Variants in SUPT7L observed in about 807,000 individuals in gnomAD.
The protein encoded by SUPT7L is SPT7 like, STAGA complex subunit gamma, also known as STAGA complex 65 subunit gamma.
Under a neutral mutation model 35.7 loss-of-function variants are expected in SUPT7L, and 15 were observed. The observed-to-expected ratio is 0.42, with a 90% CI of 0.28 to 0.65. The LOEUF (loss-of-function observed/expected upper bound fraction) is 0.65, where lower values mean the gene tolerates loss of function less well. Among genes scored for constraint, SUPT7L ranks in the 30% least tolerant of loss-of-function variants. The pLI is 0.23. For missense variants in SUPT7L, 434 were observed against 522.2 expected (o/e 0.83, Z 1.65); for synonymous variants, 168 against 186.2 (o/e 0.90, Z 0.79).
In SUPT7L at chr2:27,661,262, C is replaced by A; in HGVS notation, c.141G>T (p.Pro47=). ...PPLHQPSANK[P]KPPTMLDIPS... ...GGATGTCCAGCATAGTGGGGGGCTT[C>A]GGCTTGTTGGCTGAGGGTTGGTGCA... The change falls in exon 3 of 6, where the codon CCG becomes CCT. Residue 47 remains proline, a synonymous_variant. Coordinates refer to ENST00000337768, the MANE Select transcript of SUPT7L (RefSeq NM_014860.3). 2 of 1,613,242 alleles carry A rather than the reference C, an allele frequency of 1.2e-6. No individual in the cohort carries two copies. Among genetic ancestry groups the A allele is most frequent in the Non-Finnish European group, 1.7e-6 (2 of 1,179,534 alleles).
chr2:27,662,250 C>A lies in SUPT7L; in HGVS notation c.-58G>T. On this transcript the variant is annotated 5_prime_UTR_variant, in exon 2 of 6. Coordinates refer to ENST00000337768, the MANE Select transcript of SUPT7L (RefSeq NM_014860.3). ...TTATCAAATGCCAGGCATTCTGTGTCGGTCAAAGACTGATAATGTGAGATC... is the reference window on the plus strand; with the variant it reads ...TTATCAAATGCCAGGCATTCTGTGTAGGTCAAAGACTGATAATGTGAGATC... 1.3e-6 allele frequency: 2 copies of A among 1,567,718 alleles called. No homozygotes were observed. The highest frequency in any genetic ancestry group is 2.2e-5 in the South Asian group (2 of 89,978).
chr2:27,661,567 G>T, intron 2 of SUPT7L, 179 bp from the exon 3 acceptor site: 1 of 1,428,774 alleles, frequency 7.0e-7, no homozygotes. Context: ...AAAAATGTCA[G>T]TGTCAGCAAA....
chr2:27,662,156 T>C (rs892686896), intron 2 of SUPT7L, 23 bp downstream of exon 2: 2 of 1,613,972 alleles, frequency 1.2e-6, no homozygotes, highest in African/African-American at 2.7e-5. Flanking sequence ...TTCAACAAAA[T>C]TCACAATCTG....
At chr2:27,661,721 G>A (rs762746681) in intron 2 of SUPT7L, 6 of 825,500 alleles carry the variant, frequency 7.3e-6, no homozygotes, top group Non-Finnish European at 9.8e-6. Context: ...AGCTACAACA[G>A]CATCTGGAGC....
At chr2:27,661,439 A>G (rs1191459765) in intron 2 of SUPT7L, 51 bp from the exon 3 acceptor site, 2 of 1,605,714 alleles carry the variant, frequency 1.2e-6, no homozygotes, top group Admixed American at 3.4e-5. Context: ...AATGTAGACA[A>G]TAACCTAAAA....
chr2:27,649,448 A>G (rs996392243), downstream of SUPT7L, among the ~76,000 whole-genome samples: 12 of 105,556 alleles, frequency 1.1e-4, no homozygotes, highest in African/African-American at 3.2e-4. Flanking sequence ...TTTAATAAAT[A>G]TATACTTTCT....
Position 27,655,807 on chromosome 2 carries a change from T to A in SUPT7L, c.745-205A>T, listed in dbSNP as rs1276597933. 2.0e-5 allele frequency among the ~76,000 whole-genome samples: 3 copies of A among 152,192 alleles called. No individual in the cohort carries two copies. The East Asian group carries it at 5.8e-4, about 29-fold the overall frequency. On this transcript the variant is annotated intron_variant, in intron 4 of 5. Transcript: ENST00000337768. ...TAAAGAAAATTGGTTTGGCAGAGAATGTGTATGTCATTAATTAAAAGTTAC... is the reference window on the plus strand; with the variant it reads ...TAAAGAAAATTGGTTTGGCAGAGAAAGTGTATGTCATTAATTAAAAGTTAC...
chr2:27,657,234 T>A lies in SUPT7L; in HGVS notation c.744+111A>T. Reference sequence around the variant, plus strand: ...CATCATAAAAGTATGTTAAGTTCACTCTGTTCCAAGACTCTGTGCTCTGCA... The same window carrying A: ...CATCATAAAAGTATGTTAAGTTCACACTGTTCCAAGACTCTGTGCTCTGCA... On this transcript the variant is annotated intron_variant, in intron 4 of 5. Coordinates refer to ENST00000337768, the MANE Select transcript of SUPT7L (RefSeq NM_014860.3). The surrounding 1 kb of genome is among the most constrained non-coding windows in gnomAD (Gnocchi z 5.2). 1 of 1,195,674 alleles carries A rather than the reference T, an allele frequency of 8.4e-7. No individual in the cohort carries two copies. The allele number at this position is 1,195,674 out of a possible 1,614,324, so 74.1% of individuals were successfully genotyped here. A position where few individuals can be genotyped will look rare whatever the true frequency, so the allele number is the denominator to read the frequency against.
chr2:27,645,048 G>T, the SUPT7L span, among the ~76,000 whole-genome samples: 2 of 152,016 alleles, frequency 1.3e-5, no homozygotes, highest in African/African-American at 4.8e-5. Flanking sequence ...GCTCCCTGCA[G>T]CCTCGAACTA....
chr2:27,662,734 T>C (rs1347487418), intron 1 of SUPT7L, among the ~76,000 whole-genome samples: 1 of 152,214 alleles, frequency 6.6e-6, no homozygotes, highest in East Asian at 1.9e-4. Context: ...CACACAGAAA[T>C]ATCTGGCATT....
intron 3 of SUPT7L, among the ~76,000 whole-genome samples, chr2:27,659,306 C>G (rs1318411900): frequency 6.6e-6 from 1 of 152,202 alleles, no homozygotes; most frequent in Non-Finnish European, 1.5e-5. Context: ...CTGTACTTTT[C>G]TCATTAGTTT....
In SUPT7L at chr2:27,661,126, C is replaced by T. The variant is rs1272711947; in HGVS notation, c.277G>A (p.Gly93Ser). 1 of 1,614,126 alleles carries T rather than the reference C, an allele frequency of 6.2e-7. No homozygotes were observed. Among genetic ancestry groups the T allele is most frequent in the South Asian group, 1.1e-5 (1 of 91,078 alleles). Residue 93 changes from glycine to serine, a missense_variant, in exon 3 of 6, where the codon GGT (glycine) becomes AGT (serine). Gly to Ser is a moderately conservative substitution (Grantham distance 56, BLOSUM62 0). This residue lies in a region of SUPT7L where 198 missense variants were observed against 190.8 expected (regional missense o/e 1.04). Transcript: ENST00000337768. ...AQAQNQQQTE[G>S]VKTEESEPLP... ...GGTTCACTCTCTTCAGTTTTTACAC[C>T]TTCTGTCTGCTGCTGATTCTGGGCC... is the stretch of plus-strand genomic sequence containing the variant.
In SUPT7L at chr2:27,661,255, G is replaced by A; in HGVS notation, c.148C>T (p.Pro50Ser). 3.7e-6 allele frequency: 6 copies of A among 1,613,574 alleles called. No individual in the cohort carries two copies. Among genetic ancestry groups the A allele is most frequent in the Non-Finnish European group, 5.1e-6 (6 of 1,179,646 alleles). Residue 50 changes from proline to serine, a missense_variant, in exon 3 of 6, where the codon CCC (proline) becomes TCC (serine). Physicochemically the swap from Pro to Ser is moderately conservative, Grantham distance 74. This residue lies in a region of SUPT7L where 77 missense variants were observed against 114.4 expected (regional missense o/e 0.67). Transcript: ENST00000337768. ...TCTGAGGGGATGTCCAGCATAGTGG[G>A]GGGCTTCGGCTTGTTGGCTGAGGGT... Reference protein sequence around the residue: ...HQPSANKPKPPTMLDIPSEPC... With the variant: ...HQPSANKPKPSTMLDIPSEPC...
chr2:27,647,698 T>A, downstream of SUPT7L: 1 of 596,530 alleles, frequency 1.7e-6, no homozygotes, highest in Non-Finnish European at 3.0e-6. Context: ...GTATTAACAA[T>A]ACATTTAGAA....
At chr2:27,648,652 T>C (rs1674359713), downstream of SUPT7L, among the ~76,000 whole-genome samples, 1 of 152,226 alleles carries the variant, frequency 6.6e-6, no homozygotes. Flanking sequence ...TATTATTTTT[T>C]TGAGACAGAG....
intron 3 of SUPT7L, among the ~76,000 whole-genome samples, chr2:27,660,725 T>C (rs1429917504): frequency 6.6e-6 from 1 of 152,150 alleles, no homozygotes; most frequent in Non-Finnish European, 1.5e-5. Flanking sequence ...CTTTTTTACA[T>C]ACCAGTGTAT....
chr2:27,649,041 C>T (rs574126060), downstream of SUPT7L, among the ~76,000 whole-genome samples: 604 of 151,730 alleles, frequency 4.0e-3, 3 homozygotes, highest in South Asian at 0.013. Flanking sequence ...GCCAGGAGTT[C>T]AAGACCAGCC....
chr2:27,662,291 G>T lies in SUPT7L; in HGVS notation c.-89-10C>A. 7.5e-7 allele frequency: 1 copy of T among 1,330,370 alleles called. No homozygotes were observed. The highest frequency in any genetic ancestry group is 1.1e-6 in the Non-Finnish European group (1 of 923,666). The allele number at this position is 1,330,370 out of a possible 1,614,324, so 82.4% of individuals were successfully genotyped here. On this transcript the variant is annotated splice_polypyrimidine_tract_variant and intron_variant, in intron 1 of 5. Transcript: ENST00000337768. ...ATGTGAGATCCTTGCCCTGAAGTGA[G>T]GAAGAGAAACAGAAGCAGAATATTT...
intron 5 of SUPT7L, among the ~76,000 whole-genome samples, chr2:27,654,173 T>C (rs1012912095): frequency 1.3e-5 from 2 of 152,188 alleles, no homozygotes; most frequent in African/African-American, 4.8e-5. Flanking sequence ...TGGTCATCTC[T>C]TGCATTATGA....
Sources: gnomAD v4.1 joint callset for allele counts (sites outside exome capture counted in the v4.1 genomes callset) on GRCh38, gnomAD v4.1.1 for gene constraint, gnomAD v4.1.1 regional missense constraint, Gnocchi (gnomAD v3.1) non-coding constraint, MANE v1.5 for transcripts, NCBI Gene and HGNC (gene_info 2026-07-23, HGNC 2026-07-21) for gene names.